Variants in THAP12 observed in about 807,000 individuals in gnomAD.
The protein encoded by THAP12 is 52 kDa repressor of the inhibitor of the protein kinase.
In THAP12, 20 loss-of-function variants were observed where a neutral mutation model predicts 63.0. That is an observed-to-expected ratio of 0.32 (90% CI 0.22 to 0.46). The LOEUF (loss-of-function observed/expected upper bound fraction) is 0.46, where lower values mean the gene tolerates loss of function less well. THAP12 is among the 20% of genes least tolerant of loss of function. The probability of loss-of-function intolerance (pLI) is 1.00; values close to 1 mark genes in which losing one functional copy is unlikely to be tolerated. For synonymous variants in THAP12, 264 were observed against 328.4 expected, an observed-to-expected ratio of 0.80 and a Z score of 2.12; for missense variants, 568 against 908.2, an observed-to-expected ratio of 0.63 and a Z score of 4.81.
chr11:76,376,395 C>G (rs764079761), intron 1 of THAP12, among the ~76,000 whole-genome samples: 1 of 152,152 alleles, frequency 6.6e-6, no homozygotes, highest in South Asian at 2.1e-4. Context: ...GGGAACAAAA[C>G]TAGGACCTCC....
chr11:76,360,641 T>G (rs983118603), intron 3 of THAP12, among the ~76,000 whole-genome samples: 1 of 152,180 alleles, frequency 6.6e-6, no homozygotes, highest in Non-Finnish European at 1.5e-5. Flanking sequence ...CTCAGCTCTA[T>G]TTTCCTTACT....
chr11:76,379,539 C>A (rs559542635), intron 1 of THAP12, among the ~76,000 whole-genome samples: 17 of 152,326 alleles, frequency 1.1e-4, no homozygotes, highest in African/African-American at 4.1e-4. Context: ...TCTTTGCCTT[C>A]TTTGGAATGC....
intron 2 of THAP12, 23 bp from the exon 3 acceptor site, chr11:76,361,086 T>A (rs1295986263): frequency 1.4e-6 from 2 of 1,453,946 alleles, no homozygotes; most frequent in South Asian, 2.3e-5. Flanking sequence ...ATTGTGTTAA[T>A]TCAGAGATGG....
At chr11:76,360,229 A>G (rs1946589402) in intron 3 of THAP12, among the ~76,000 whole-genome samples, 1 of 152,244 alleles carries the variant, frequency 6.6e-6, no homozygotes, top group South Asian at 2.1e-4. Flanking sequence ...AAAAGCACAC[A>G]GTAGGTGGAC....
At chr11:76,379,275 A>T (rs188243797) in intron 1 of THAP12, among the ~76,000 whole-genome samples, 70 of 152,320 alleles carry the variant, frequency 4.6e-4, no homozygotes, top group African/African-American at 1.6e-3. Flanking sequence ...GATTATTACA[A>T]CAGCCTTTTA....
chr11:76,370,357 AT>A (rs1182591916), intron 1 of THAP12, among the ~76,000 whole-genome samples: 2 of 143,356 alleles, frequency 1.4e-5, no homozygotes, highest in Non-Finnish European at 3.1e-5. Flanking sequence ...TTCTGTGCAT[AT>A]GTTTTTTGGG....
chr11:76,379,894 T>C (rs537768212), intron 1 of THAP12, among the ~76,000 whole-genome samples: 84 of 152,350 alleles, frequency 5.5e-4, no homozygotes, highest in African/African-American at 1.9e-3. Flanking sequence ...ACATAAATTA[T>C]AGTCGCCCGT....
At chr11:76,354,904 T>C (rs1000865162) in intron 4 of THAP12, among the ~76,000 whole-genome samples, 2 of 152,190 alleles carry the variant, frequency 1.3e-5, no homozygotes, top group African/African-American at 4.8e-5. Context: ...ACAGAATACC[T>C]TTCCCTCTCT....
At position 76,380,919 on chromosome 11, in the gene THAP12, G is replaced by A; in HGVS notation, c.-83C>T. 1.3e-6 allele frequency: 1 copy of A among 767,536 alleles called. No individual in the cohort carries two copies. Among genetic ancestry groups the A allele is most frequent in the Non-Finnish European group, 1.7e-6 (1 of 592,942 alleles). 47.5% of individuals were successfully genotyped at this position (767,536 alleles called of 1,614,324 possible). ...GCCCGCCCGTCGGGGCCGGGGAGGGGAGCCAGGCCGGCCGGCCGGCTCGGC... is the reference window on the plus strand; with the variant it reads ...GCCCGCCCGTCGGGGCCGGGGAGGGAAGCCAGGCCGGCCGGCCGGCTCGGC... On this transcript the variant is annotated 5_prime_UTR_variant, in exon 1 of 5. Coordinates refer to ENST00000260045, the MANE Select transcript of THAP12 (RefSeq NM_004705.4).
chr11:76,365,588 T>C (rs555622560), intron 2 of THAP12, among the ~76,000 whole-genome samples: 3 of 152,284 alleles, frequency 2.0e-5, no homozygotes, highest in East Asian at 3.9e-4. Flanking sequence ...CATCTGGCCA[T>C]GTTGCCCAGG....
intron 1 of THAP12, among the ~76,000 whole-genome samples, chr11:76,379,588 G>A (rs1450289609): frequency 2.6e-5 from 4 of 152,068 alleles, no homozygotes; most frequent in African/African-American, 9.7e-5. Context: ...CCCTTCACCT[G>A]GTCTTTGCTC....
At chr11:76,366,612 C>T (rs1207239200) in intron 1 of THAP12, among the ~76,000 whole-genome samples, 3 of 151,166 alleles carry the variant, frequency 2.0e-5, no homozygotes. Flanking sequence ...ACCCGGGAGG[C>T]GGAGCTTGCA....
At chr11:76,368,489 G>C (rs1946647602) in intron 1 of THAP12, 1 of 152,132 alleles carries the variant, frequency 6.6e-6, no homozygotes, top group South Asian at 2.1e-4. Flanking sequence ...AAGAACCAGG[G>C]ATAACCAAGA....
intron 3 of THAP12, chr11:76,357,772 T>C (rs562838490): frequency 6.6e-6 from 1 of 152,182 alleles, no homozygotes; most frequent in East Asian, 1.9e-4. Flanking sequence ...GTTAACAAAA[T>C]AGAGAAATTA....
intron 2 of THAP12, among the ~76,000 whole-genome samples, chr11:76,363,589 T>TTTTGTTTGTTTGTTTG: frequency 6.6e-6 from 1 of 151,698 alleles, no homozygotes; most frequent in Non-Finnish European, 1.5e-5. Context: ...ATCCAGGGGT[T>TTTTGTTTGTTTGTTTG]TTTGTTTGTT....
rs750807716 is a variant in THAP12 at position 76,350,832 on chromosome 11, C to T, written c.*32G>A. The stretch of plus-strand genomic sequence containing the variant: ...CCTTACGGCTTTTTCTTCCAAATAT[C>T]AAATATAAGAAAGCCTATTTTTAAA... On this transcript the variant is annotated 3_prime_UTR_variant, in exon 5 of 5. Coordinates refer to ENST00000260045, the MANE Select transcript of THAP12 (RefSeq NM_004705.4). 3 of 1,496,894 alleles carry T rather than the reference C, an allele frequency of 2.0e-6. No homozygotes were observed. Among genetic ancestry groups the T allele is most frequent in the Non-Finnish European group, 2.7e-6 (3 of 1,125,680 alleles). 92.7% of individuals were successfully genotyped at this position (1,496,894 alleles called of 1,614,324 possible). A position where few individuals can be genotyped will look rare whatever the true frequency, so the allele number is the denominator to read the frequency against.
chr11:76,361,194 T>C (rs1404357729), intron 2 of THAP12, 131 bp from the exon 3 acceptor site: 3 of 604,598 alleles, frequency 5.0e-6, no homozygotes, highest in Non-Finnish European at 8.5e-6. Flanking sequence ...TTACAGAATT[T>C]GATGTCAGTT....
At chr11:76,363,374 T>C (rs1946610772) in intron 2 of THAP12, among the ~76,000 whole-genome samples, 1 of 152,172 alleles carries the variant, frequency 6.6e-6, no homozygotes, top group Admixed American at 6.5e-5. Flanking sequence ...GAAATCTTTT[T>C]TTTTTTGTCT....
At chr11:76,363,903 G>A (rs1480141954) in intron 2 of THAP12, among the ~76,000 whole-genome samples, 1 of 152,102 alleles carries the variant, frequency 6.6e-6, no homozygotes, top group Non-Finnish European at 1.5e-5. Flanking sequence ...ACCATATCCA[G>A]CCCAGAAATC....
Sources: gnomAD v4.1 joint callset for allele counts (sites outside exome capture counted in the v4.1 genomes callset) on GRCh38, gnomAD v4.1.1 for gene constraint, MANE v1.5 for transcripts, NCBI Gene and HGNC (gene_info 2026-07-23, HGNC 2026-07-21) for gene names.